The following ABLIM2 variants were observed in gnomAD, a reference collection of about 807,000 sequenced individuals.
The protein encoded by ABLIM2 is actin-binding LIM protein 2.
In ABLIM2, 53 loss-of-function variants were observed where a neutral mutation model predicts 97.7. The ratio of observed to expected loss-of-function variants is 0.54; its 90% CI spans 0.44 to 0.68. The LOEUF is 0.68. Ranked by LOEUF, ABLIM2 falls within the 30% of genes least tolerant of loss-of-function variation. ABLIM2 has a pLI of 0.00. For synonymous variants in ABLIM2, 361 were observed against 345.8 expected, an observed-to-expected ratio of 1.04 and a Z score of -0.49; for missense variants, 835 against 867.2, an observed-to-expected ratio of 0.96 and a Z score of 0.47.
At chr4:8,008,330 T>C (rs1480397453) in intron 15 of ABLIM2, 130 bp from the exon 16 acceptor site, 1 of 831,540 alleles carries the variant, frequency 1.2e-6, no homozygotes, top group Admixed American at 2.7e-5. Flanking sequence ...AAACTCAATA[T>C]GTGAGAGATG....
intron 4 of ABLIM2, among the ~76,000 whole-genome samples, chr4:8,084,516 G>C (rs996930369): frequency 3.3e-5 from 5 of 152,214 alleles, no homozygotes; most frequent in African/African-American, 1.2e-4. Context: ...CCACAGCCCA[G>C]GTGGTCAAGC....
rs1846545424 is a variant in ABLIM2 at position 8,123,751 on chromosome 4, AG to A, written c.11-17115del. 6.6e-6 allele frequency among the ~76,000 whole-genome samples: 1 copy of A among 152,142 alleles called. No homozygotes were observed. Among genetic ancestry groups the A allele is most frequent in the African/African-American group, 2.4e-5 (1 of 41,434 alleles). The stretch of plus-strand genomic sequence containing the variant: ...CCTGTGGGTCTACACATGGGCAGGC[AG>A]GGGTGTGCCGGCATTGGGTCACACA... On this transcript the variant is annotated intron_variant, in intron 1 of 20. Transcript: ENST00000447017. This position sits in a 1 kb window ranked among gnomAD's most constrained non-coding sequence, Gnocchi z 6.2.
chr4:8,096,082 C>T (rs1831414853), intron 3 of ABLIM2, among the ~76,000 whole-genome samples: 1 of 152,176 alleles, frequency 6.6e-6, no homozygotes, highest in South Asian at 2.1e-4. Flanking sequence ...GCCACGCTCC[C>T]CTTGGGTCTC....
At chr4:8,048,669 C>T (rs562010316) in intron 8 of ABLIM2, among the ~76,000 whole-genome samples, 54 of 152,316 alleles carry the variant, frequency 3.5e-4, no homozygotes, top group Non-Finnish European at 6.8e-4. Context: ...CCTGTTTCCT[C>T]GTTCCTCAAT....
At chr4:8,096,963 G>A (rs1831960158) in intron 3 of ABLIM2, 136 bp downstream of exon 3, 1 of 1,132,250 alleles carries the variant, frequency 8.8e-7, no homozygotes, top group Non-Finnish European at 1.2e-6. Flanking sequence ...CAGACTGTGG[G>A]GCCTGGAACA....
At chr4:8,049,875 G>A (rs993741277) in intron 8 of ABLIM2, among the ~76,000 whole-genome samples, 1 of 152,134 alleles carries the variant, frequency 6.6e-6, no homozygotes, top group Non-Finnish European at 1.5e-5. Flanking sequence ...TTACAGGCAA[G>A]TGCCACCATG....
chr4:8,065,550 A>G (rs558971555), intron 6 of ABLIM2, among the ~76,000 whole-genome samples: 1 of 152,378 alleles, frequency 6.6e-6, no homozygotes, highest in African/African-American at 2.4e-5. Context: ...TGGTTTTTCA[A>G]GAAGTTAAAC....
intron 1 of ABLIM2, among the ~76,000 whole-genome samples, chr4:8,151,347 C>A (rs542794209): frequency 6.6e-6 from 1 of 152,328 alleles, no homozygotes; most frequent in South Asian, 2.1e-4. Flanking sequence ...CTGGCACCCA[C>A]AAGGACCAGT....
At position 8,067,252 on chromosome 4, in the gene ABLIM2, T is replaced by G. The variant is rs2152272233; in HGVS notation, c.676-6198A>C. On this transcript the variant is annotated intron_variant, in intron 6 of 20. Coordinates refer to ENST00000447017, the MANE Select transcript of ABLIM2 (RefSeq NM_001130083.2). This position sits in a 1 kb window ranked among gnomAD's most constrained non-coding sequence, Gnocchi z 5.4. ...CGGGGCCTCAGAGCACGGAATTAACTGCATCCTCAGCTCACCGGCTCCCTG... is the reference window on the plus strand; with the variant it reads ...CGGGGCCTCAGAGCACGGAATTAACGGCATCCTCAGCTCACCGGCTCCCTG... 2 of 152,440 alleles carry G rather than the reference T, an allele frequency of 1.3e-5. No homozygotes were observed. Among genetic ancestry groups the G allele is most frequent in the Middle Eastern group, 6.8e-3 (2 of 294 alleles). 9.4% of individuals were successfully genotyped at this position (152,440 alleles called of 1,614,324 possible).
intron 2 of ABLIM2, among the ~76,000 whole-genome samples, chr4:8,100,614 T>C (rs1834037470): frequency 1.3e-5 from 2 of 151,944 alleles, no homozygotes; most frequent in Admixed American, 1.3e-4. Context: ...GGTGTGGTGG[T>C]GCATGCCTAT....
chr4:8,136,576 G>A (rs1850228738), intron 1 of ABLIM2, among the ~76,000 whole-genome samples: 1 of 152,218 alleles, frequency 6.6e-6, no homozygotes, highest in South Asian at 2.1e-4. Flanking sequence ...CACCCCACGT[G>A]GCTGACTTTG....
intron 8 of ABLIM2, among the ~76,000 whole-genome samples, chr4:8,050,741 C>T (rs966296616): frequency 2.7e-4 from 41 of 152,008 alleles, no homozygotes; most frequent in Non-Finnish European, 2.9e-4. Flanking sequence ...CCAGGCCCTC[C>T]GGACAGTTAG....
At chr4:8,144,012 C>A (rs1851415060) in intron 1 of ABLIM2, among the ~76,000 whole-genome samples, 1 of 152,202 alleles carries the variant, frequency 6.6e-6, no homozygotes, top group South Asian at 2.1e-4. Flanking sequence ...CCAGCCCCCA[C>A]CCTGAAAGCT....
chr4:7,989,095 T>TTTTTTTTA (rs1746679114), intron 17 of ABLIM2, among the ~76,000 whole-genome samples: 1 of 145,866 alleles, frequency 6.9e-6, no homozygotes, highest in South Asian at 2.2e-4. Context: ...TTTTTTTTTT[T>TTTTTTTTA]GAGACAGAGT....
chr4:8,086,269 T>C (rs1823530330), intron 4 of ABLIM2, among the ~76,000 whole-genome samples: 1 of 127,024 alleles, frequency 7.9e-6, no homozygotes, highest in African/African-American at 3.0e-5. Flanking sequence ...CTGCCAAGGG[T>C]ATTTTTGAAA....
intron 8 of ABLIM2, 58 bp from the exon 9 acceptor site, chr4:8,045,299 G>T: frequency 1.4e-6 from 2 of 1,474,232 alleles, no homozygotes; most frequent in African/African-American, 1.4e-5. Context: ...GGCCTTCAGA[G>T]GCGACTGTCA....
intron 6 of ABLIM2, among the ~76,000 whole-genome samples, chr4:8,065,039 C>T (rs183737402): frequency 6.6e-6 from 1 of 152,266 alleles, no homozygotes; most frequent in African/African-American, 2.4e-5. Context: ...CACTTGAGGC[C>T]AGGAGTTCAA....
chr4:7,976,212 C>A (rs1253411715), intron 20 of ABLIM2, among the ~76,000 whole-genome samples: 1 of 152,186 alleles, frequency 6.6e-6, no homozygotes, highest in Non-Finnish European at 1.5e-5. Flanking sequence ...GTGTCACCAT[C>A]GCACCCGCAC....
At chr4:8,006,678 C>G (rs948961784) in intron 16 of ABLIM2, among the ~76,000 whole-genome samples, 8 of 152,200 alleles carry the variant, frequency 5.3e-5, no homozygotes, top group Non-Finnish European at 1.0e-4. Flanking sequence ...GGTGCTACAC[C>G]AGCCAGGGGC....
Sources: gnomAD v4.1 joint callset for allele counts (sites outside exome capture counted in the v4.1 genomes callset) on GRCh38, gnomAD v4.1.1 for gene constraint, Gnocchi (gnomAD v3.1) non-coding constraint, MANE v1.5 for transcripts, NCBI Gene and HGNC (gene_info 2026-07-23, HGNC 2026-07-21) for gene names.